The following COG7 variants were observed in gnomAD, a reference collection of about 807,000 sequenced individuals.
The protein encoded by COG7 is component of oligomeric golgi complex 7.
A neutral mutation model predicts 91.5 loss-of-function variants in COG7; 49 were observed. That is an observed-to-expected ratio of 0.54 (90% CI 0.43 to 0.68). The LOEUF is 0.68. COG7 is among the 30% of genes least tolerant of loss of function. COG7 has a pLI of 0.00. For missense variants in COG7, 895 were observed against 961.3 expected (o/e 0.93, Z 0.91); for synonymous variants, 365 against 388.7 (o/e 0.94, Z 0.72).
At chr16:23,395,537 T>A (rs1451814611) in intron 14 of COG7, among the ~76,000 whole-genome samples, 1 of 152,238 alleles carries the variant, frequency 6.6e-6, no homozygotes, top group Non-Finnish European at 1.5e-5. Context: ...CATGATTCTG[T>A]GTGGGTGAGG....
At chr16:23,440,085 C>CAAAAAA (rs11294739) in intron 4 of COG7, among the ~76,000 whole-genome samples, 1 of 79,304 alleles carries the variant, frequency 1.3e-5, no homozygotes. Flanking sequence ...CCCATCTATA[C>CAAAAAA]AAAAAAAAAA....
In COG7 at chr16:23,453,086, C is replaced by A. The variant is rs1017528347; in HGVS notation, c.-92G>T. 18 of 1,579,838 alleles carry A rather than the reference C, an allele frequency of 1.1e-5. No homozygotes were observed. Among genetic ancestry groups the A allele is most frequent in the Non-Finnish European group, 1.5e-5 (18 of 1,161,370 alleles). On this transcript the variant is annotated 5_prime_UTR_variant, in exon 1 of 17. Coordinates refer to ENST00000307149, the MANE Select transcript of COG7 (RefSeq NM_153603.4). ...GAAGCGAGCGAGCCTGCGAGAGCAC[C>A]GAGGCTAGCCTCCGAGGCGAACCCC... is the stretch of plus-strand genomic sequence containing the variant.
intron 6 of COG7, among the ~76,000 whole-genome samples, chr16:23,426,892 C>CTGTTCACA (rs1386400450): frequency 6.6e-6 from 1 of 151,174 alleles, no homozygotes; most frequent in African/African-American, 2.4e-5. Context: ...AGAGTTATCT[C>CTGTTCACA]TGTTCACAGA....
rs775278139 is a variant in COG7 at position 23,424,933 on chromosome 16, G to A, written c.825C>T (p.Pro275=). ...TCAGCAGCACCATTACCACCTCGTG[G>A]GGCTTCTGGAAAACCTGCAGTGAGA... The part of the protein sequence containing the change: ...IQWATQVFQK[P]HEVVMVLLIQ... Residue 275 remains proline (P), a synonymous_variant, in exon 7 of 17, where the codon CCC becomes CCT. Coordinates refer to ENST00000307149, the MANE Select transcript of COG7 (RefSeq NM_153603.4). 8 of 1,607,546 alleles carry A rather than the reference G, an allele frequency of 5.0e-6. No homozygotes were observed. The South Asian group carries it at 7.7e-5, about 16-fold the overall frequency.
At chr16:23,425,017 C>T (rs1963823064) in intron 6 of COG7, 70 bp from the exon 7 acceptor site, 4 of 1,396,410 alleles carry the variant, frequency 2.9e-6, no homozygotes, top group Non-Finnish European at 3.0e-6. Flanking sequence ...TTTTAAAAAA[C>T]TTTTTTGAGA....
chr16:23,430,292 G>C (rs1056260136), intron 6 of COG7, among the ~76,000 whole-genome samples: 4 of 151,990 alleles, frequency 2.6e-5, no homozygotes, highest in African/African-American at 9.7e-5. Flanking sequence ...AGTTGGGTGT[G>C]GTGGCACGCA....
At chr16:23,414,328 T>TA (rs1465825390) in intron 9 of COG7, 5 of 151,766 alleles carry the variant, frequency 3.3e-5, no homozygotes, top group Admixed American at 6.6e-5. Context: ...ATCCCATCTC[T>TA]AAAAAAAACA....
At chr16:23,413,618 TAA>T in intron 9 of COG7, 54 bp from the exon 10 acceptor site, 1 of 945,108 alleles carries the variant, frequency 1.1e-6, no homozygotes, top group Non-Finnish European at 1.8e-6. Flanking sequence ...TCCCCAACTC[TAA>T]AGAGACCTGG....
At chr16:23,418,540 A>G (rs1434952765) in intron 8 of COG7, among the ~76,000 whole-genome samples, 160 bp downstream of exon 8, 1 of 152,116 alleles carries the variant, frequency 6.6e-6, no homozygotes, top group Non-Finnish European at 1.5e-5. Flanking sequence ...TTGGTAGCAA[A>G]TATATGGTCT....
chr16:23,402,785 C>G (rs1963398882), intron 13 of COG7, among the ~76,000 whole-genome samples: 1 of 152,216 alleles, frequency 6.6e-6, no homozygotes, highest in Non-Finnish European at 1.5e-5. Context: ...GTAGAAGGAA[C>G]CTCACGATCA....
intron 16 of COG7, chr16:23,392,062 G>A: frequency 7.9e-7 from 1 of 1,267,670 alleles, no homozygotes; most frequent in South Asian, 1.6e-5. Context: ...AACACTGGTT[G>A]GGAATTATGG....
chr16:23,389,723 C>T (rs1176437590), intron 16 of COG7: 3 of 153,974 alleles, frequency 1.9e-5, no homozygotes, highest in African/African-American at 7.2e-5. Flanking sequence ...TCCACATTTC[C>T]CAGATGACCC....
intron 3 of COG7, among the ~76,000 whole-genome samples, chr16:23,444,566 T>C (rs1234564549): frequency 6.6e-6 from 1 of 151,070 alleles, no homozygotes; most frequent in African/African-American, 2.4e-5. Flanking sequence ...CATAGTGGTA[T>C]GATCATAGTT....
chr16:23,413,120 A>G, intron 10 of COG7: 1 of 330,748 alleles, frequency 3.0e-6, no homozygotes, highest in East Asian at 7.9e-5. Context: ...ATAAGCCCTA[A>G]GTTATTTTAG....
At chr16:23,422,110 G>T (rs1410250958) in intron 7 of COG7, among the ~76,000 whole-genome samples, 2 of 152,072 alleles carry the variant, frequency 1.3e-5, no homozygotes, top group Non-Finnish European at 2.9e-5. Flanking sequence ...AGGAGTTTGA[G>T]ATCAGCCTGA....
chr16:23,443,043 A>AC (rs398038422), intron 3 of COG7, among the ~76,000 whole-genome samples: 3 of 151,936 alleles, frequency 2.0e-5, no homozygotes, highest in Admixed American at 6.6e-5. Context: ...CAAAAAAAAA[A>AC]CAAAAAACCT....
At chr16:23,390,692 C>G (rs1265008837) in intron 16 of COG7, among the ~76,000 whole-genome samples, 1 of 152,220 alleles carries the variant, frequency 6.6e-6, no homozygotes, top group Non-Finnish European at 1.5e-5. Context: ...CCTCCTGCCT[C>G]GGCCTCCCAA....
chr16:23,429,990 G>C (rs1033204195), intron 6 of COG7, among the ~76,000 whole-genome samples: 2 of 152,176 alleles, frequency 1.3e-5, no homozygotes, highest in African/African-American at 4.8e-5. Flanking sequence ...TGCCTTAAGG[G>C]TGCTGGTGCA....
At chr16:23,404,965 T>G (rs1015283777) in intron 12 of COG7, among the ~76,000 whole-genome samples, 1 of 152,128 alleles carries the variant, frequency 6.6e-6, no homozygotes, top group Non-Finnish European at 1.5e-5. Flanking sequence ...GGAACAGCAA[T>G]GTCTCCTCTG....
Sources: allele counts gnomAD v4.1 joint callset (sites outside exome capture counted in the v4.1 genomes callset), GRCh38; gene constraint gnomAD v4.1.1; transcripts MANE v1.5; gene names NCBI Gene and HGNC (gene_info 2026-07-23, HGNC 2026-07-21).